The following MSMO1 variants were observed in gnomAD, a reference collection of about 807,000 sequenced individuals.
MSMO1 encodes C-4 methylsterol oxidase.
A neutral mutation model predicts 30.4 loss-of-function variants in MSMO1; 18 were observed. The ratio of observed to expected loss-of-function variants is 0.59; its 90% confidence interval spans 0.41 to 0.88. The LOEUF (loss-of-function observed/expected upper bound fraction) is 0.88, where lower values mean the gene tolerates loss of function less well. Among genes scored for constraint, MSMO1 ranks in the 40% least tolerant of loss-of-function variants. The pLI, the probability that MSMO1 is intolerant of heterozygous loss-of-function variation, is 0.00. For missense variants in MSMO1, 284 were observed against 340.5 expected, an observed-to-expected ratio of 0.83 and a Z score of 1.31; for synonymous variants, 84 against 107.9, an observed-to-expected ratio of 0.78 and a Z score of 1.37.
In MSMO1 at chr4:165,339,484, A is replaced by G. The variant is rs1464864140; in HGVS notation, c.531+706A>G. Among the ~76,000 whole-genome samples, 3 of 152,154 alleles carry G rather than the reference A, an allele frequency of 2.0e-5. No homozygotes were observed. The South Asian group carries it at 6.2e-4, about 31-fold the overall frequency. On this transcript the variant is annotated intron_variant, in intron 4 of 5. Transcript: ENST00000261507. ...TTGACCGTGATTACATGGTGTGCCA[A>G]ATCAAGCCTCTCTTTATTAGAAGAA...
Position 165,340,279 on chromosome 4 carries a change from C to G in MSMO1, c.590C>G (p.Thr197Ser). ...AHPLETLILGTGFFIGIVLLC... is the reference protein window; with the variant it reads ...AHPLETLILGSGFFIGIVLLC... Reference sequence around the variant, plus strand: ...CCTTTGGAGACTCTAATTCTTGGAACTGGATTTTTCATTGGAATCGTGCTT... The same window carrying G: ...CCTTTGGAGACTCTAATTCTTGGAAGTGGATTTTTCATTGGAATCGTGCTT... The change falls in exon 5 of 6, where the codon ACT becomes AGT. Residue 197 changes from threonine (T) to serine (S), a missense_variant. Thr to Ser is a moderately conservative substitution (Grantham distance 58). Transcript: ENST00000261507. The G allele has an allele frequency of 8.7e-6, 14 of 1,613,932 alleles. No homozygotes were observed. The highest frequency in any genetic ancestry group is 1.0e-5 in the Non-Finnish European group (12 of 1,179,922).
chr4:165,333,819 G>A (rs1169937419), intron 2 of MSMO1, among the ~76,000 whole-genome samples, 194 bp downstream of exon 2: 1 of 152,208 alleles, frequency 6.6e-6, no homozygotes, highest in South Asian at 2.1e-4. Flanking sequence ...TTCATAATGT[G>A]TATCATTTAG....
At chr4:165,336,988 G>A (rs995225187) in intron 2 of MSMO1, among the ~76,000 whole-genome samples, 6 of 152,142 alleles carry the variant, frequency 3.9e-5, no homozygotes, top group African/African-American at 1.4e-4. Flanking sequence ...TTTGGATATC[G>A]TGGTTCAATT....
intron 5 of MSMO1, 81 bp downstream of exon 5, chr4:165,340,456 G>C: frequency 8.2e-7 from 1 of 1,212,168 alleles, no homozygotes; most frequent in Non-Finnish European, 1.2e-6. Flanking sequence ...ATATTTCTAA[G>C]GAGACTAATA....
chr4:165,337,277 G>A (rs1747579667), intron 2 of MSMO1, among the ~76,000 whole-genome samples: 1 of 152,104 alleles, frequency 6.6e-6, no homozygotes, highest in African/African-American at 2.4e-5. Context: ...CCATAATCAG[G>A]ACATATCTGT....
intron 2 of MSMO1, among the ~76,000 whole-genome samples, chr4:165,334,786 CAG>C (rs1322523791): frequency 6.6e-5 from 10 of 152,144 alleles, no homozygotes; most frequent in African/African-American, 2.2e-4. Context: ...AACTAAAACT[CAG>C]GGGCACACAG....
chr4:165,338,163 C>T (rs541947233), intron 3 of MSMO1, among the ~76,000 whole-genome samples: 1 of 151,732 alleles, frequency 6.6e-6, no homozygotes, highest in Non-Finnish European at 1.5e-5. Context: ...GTTTCCATAA[C>T]GTCTTTTGTA....
chr4:165,337,369 G>C (rs1253095043), intron 2 of MSMO1, among the ~76,000 whole-genome samples: 1 of 152,192 alleles, frequency 6.6e-6, no homozygotes. Context: ...GAATACCACT[G>C]AGTGCCTGGA....
intron 5 of MSMO1, among the ~76,000 whole-genome samples, chr4:165,341,221 T>C (rs1041484996): frequency 6.6e-6 from 1 of 152,180 alleles, no homozygotes; most frequent in Non-Finnish European, 1.5e-5. Flanking sequence ...CTGCCAACTA[T>C]AGAAAAGTAC....
chr4:165,333,959 G>T (rs925404038), intron 2 of MSMO1, among the ~76,000 whole-genome samples: 2 of 152,202 alleles, frequency 1.3e-5, no homozygotes, highest in Non-Finnish European at 2.9e-5. Context: ...GCAAGACCCT[G>T]TCTCTACAAA....
chr4:165,332,651 T>C (rs1234580259), intron 1 of MSMO1, among the ~76,000 whole-genome samples: 1 of 152,242 alleles, frequency 6.6e-6, no homozygotes, highest in Non-Finnish European at 1.5e-5. Flanking sequence ...TAATAAGCTT[T>C]TAAAGATTTG....
Position 165,337,785 on chromosome 4 carries a change from G to T in MSMO1, c.256-4G>T. On this transcript the variant is annotated splice_region_variant and splice_polypyrimidine_tract_variant and intron_variant, in intron 2 of 5. Transcript: ENST00000261507. ...ATATTAGATATTGTGATTTTTCTTC[G>T]TAGGATAAGCCAGAGACATGGGAAA... 2 of 1,613,290 alleles carry T rather than the reference G, an allele frequency of 1.2e-6. No homozygotes were observed. Among genetic ancestry groups the T allele is most frequent in the Non-Finnish European group, 8.5e-7 (1 of 1,179,548 alleles).
intron 1 of MSMO1, among the ~76,000 whole-genome samples, chr4:165,332,047 T>TCC (rs147916433): frequency 6.6e-6 from 1 of 151,636 alleles, no homozygotes; most frequent in Non-Finnish European, 1.5e-5. Context: ...CATAACACTC[T>TCC]CCCCTACCCC....
intron 2 of MSMO1, among the ~76,000 whole-genome samples, chr4:165,333,830 C>G (rs1316145561): frequency 6.6e-6 from 1 of 152,280 alleles, no homozygotes; most frequent in South Asian, 2.1e-4. Context: ...TATCATTTAG[C>G]TCAATAAATG....
chr4:165,337,753 G>A lies in MSMO1; in HGVS notation c.256-36G>A, dbSNP rs72701627. The A allele has an allele frequency of 0.057, 90,703 of 1,605,226 alleles. 2,935 individuals are homozygous for A. Among genetic ancestry groups the A allele is most frequent in the Non-Finnish European group, 0.063 (74,131 of 1,172,442 alleles). On this transcript the variant is annotated intron_variant, in intron 2 of 5. Coordinates refer to ENST00000261507, the MANE Select transcript of MSMO1 (RefSeq NM_006745.5). ...TAGGTCAAGTTAAACTCTGATAGCA[G>A]AGACTAATATTAGATATTGTGATTT...
rs1560851180 is a variant in MSMO1 at position 165,340,261 on chromosome 4, A to C, written c.572A>C (p.Glu191Ala). The change falls in exon 5 of 6, where the codon GAG becomes GCG. Residue 191 changes from glutamate to alanine, a missense_variant. Physicochemically the swap from Glu to Ala is moderately radical, Grantham distance 107. Transcript: ENST00000261507. ...GAAGCTGAATATGCACATCCTTTGG[A>C]GACTCTAATTCTTGGAACTGGATTT... ...GMEAEYAHPL[E>A]TLILGTGFFI... is the part of the protein sequence containing the mutation. The C allele has an allele frequency of 1.2e-6, 2 of 1,613,944 alleles. No individual in the cohort carries two copies. The highest frequency in any genetic ancestry group is 1.7e-6 in the Non-Finnish European group (2 of 1,179,952).
chr4:165,333,657 T>A lies in MSMO1; in HGVS notation c.255+32T>A, dbSNP rs186471799. 1,670 of 1,532,928 alleles carry A rather than the reference T, an allele frequency of 1.1e-3. 40 individuals carry two copies. In the Admixed American group the frequency reaches 0.031, roughly 29 times the overall value. The allele number at this position is 1,532,928 out of a possible 1,614,324, so 95.0% of individuals were successfully genotyped here. A position where few individuals can be genotyped will look rare whatever the true frequency, so the allele number is the denominator to read the frequency against. ...ATAAGGGACTAGAAATAGAATATTATCATTAATGTTGCTGAATATTTTAAA... is the reference window on the plus strand; with the variant it reads ...ATAAGGGACTAGAAATAGAATATTAACATTAATGTTGCTGAATATTTTAAA... On this transcript the variant is annotated intron_variant, in intron 2 of 5. Transcript: ENST00000261507.
At chr4:165,331,447 A>G (rs1747387401) in intron 1 of MSMO1, among the ~76,000 whole-genome samples, 1 of 152,226 alleles carries the variant, frequency 6.6e-6, no homozygotes, top group Non-Finnish European at 1.5e-5. Flanking sequence ...CAGGAAGACT[A>G]GTCAGTCTTA....
intron 2 of MSMO1, among the ~76,000 whole-genome samples, chr4:165,337,041 C>T (rs887233004): frequency 1.3e-5 from 2 of 152,204 alleles, no homozygotes; most frequent in Admixed American, 1.3e-4. Context: ...TCAGCAGTGA[C>T]ATTTAAAACA....
Sources: gnomAD v4.1 joint callset for allele counts (sites outside exome capture counted in the v4.1 genomes callset) on GRCh38, gnomAD v4.1.1 for gene constraint, MANE v1.5 for transcripts, NCBI Gene and HGNC (gene_info 2026-07-23, HGNC 2026-07-21) for gene names.